AP1S2: variants seen among roughly 807,000 people sequenced by gnomAD.
The protein encoded by AP1S2 is adaptor related protein complex 1 subunit sigma 2, also known as AP-1 complex subunit sigma-2.
In AP1S2, 1 loss-of-function variant was observed where a neutral mutation model predicts 14.3. That is an observed-to-expected ratio of 0.07 (90% CI 0.02 to 0.33). The LOEUF (loss-of-function observed/expected upper bound fraction) is 0.33, where lower values mean the gene tolerates loss of function less well. Among genes scored for constraint, AP1S2 ranks in the 10% least tolerant of loss-of-function variants. AP1S2 has a pLI of 0.99. For missense variants in AP1S2, 30 were observed against 117.7 expected, an observed-to-expected ratio of 0.25 and a Z score of 3.45; for synonymous variants, 30 against 40.5, an observed-to-expected ratio of 0.74 and a Z score of 0.99.
chrX:15,827,063 A>C lies in AP1S2; in HGVS notation c.*262T>G. On this transcript the variant is annotated 3_prime_UTR_variant, in exon 6 of 6. Coordinates refer to ENST00000672987, the MANE Select transcript of AP1S2 (RefSeq NM_001272071.2). ...TTCATATGTGCACATAATCAGATTA[A>C]GAGAAACTGACCTTTAAACTTTAAA... The C allele has an allele frequency of 2.7e-6, 1 of 375,427 alleles. No homozygotes were observed. The highest frequency in any genetic ancestry group is 4.0e-5 in the South Asian group (1 of 24,772). The allele number at this position is 375,427 out of a possible 1,213,427, so 30.9% of individuals were successfully genotyped here.
Position 15,830,451 on chromosome X carries a change from A to G in AP1S2, c.427-2251T>C, listed in dbSNP as rs191930800. The G allele has an allele frequency of 5.2e-5, 39 of 749,767 alleles. No homozygotes were observed. In the East Asian group the frequency reaches 5.5e-3, roughly 105 times the overall value. 61.8% of individuals were successfully genotyped at this position (749,767 alleles called of 1,213,427 possible). A position where few individuals can be genotyped will look rare whatever the true frequency, so the allele number is the denominator to read the frequency against. On this transcript the variant is annotated intron_variant, in intron 4 of 5. Transcript: ENST00000672987. ...CTAATACTAAGTTTGGTCAAAACAC[A>G]TTTTCATAGATCTTCTTTCAGTGAT...
At chrX:15,847,527 CTTA>C (rs368312523) in intron 2 of AP1S2, among the ~76,000 whole-genome samples, 63 of 111,864 alleles carry the variant, frequency 5.6e-4, no homozygotes, top group African/African-American at 1.8e-3. Flanking sequence ...CTACTGCAGT[CTTA>C]TTGAGAGGAG....
intron 1 of AP1S2, chrX:15,852,827 C>A: frequency 1.2e-5 from 9 of 739,728 alleles, no homozygotes; most frequent in Non-Finnish European, 1.4e-5. Flanking sequence ...ATCACTCTTT[C>A]AATTTAAGAA....
At chrX:15,853,005 CT>C in intron 1 of AP1S2, 1 of 216,915 alleles carries the variant, frequency 4.6e-6, no homozygotes, top group South Asian at 2.1e-4. Context: ...TAGCTTATGT[CT>C]TGGAATGTTC....
chrX:15,827,439 C>A, intron 5 of AP1S2, 67 bp from the exon 6 acceptor site: 1 of 930,058 alleles, frequency 1.1e-6, no homozygotes, highest in East Asian at 3.1e-5. Flanking sequence ...GAAACATTGA[C>A]ATGGAAGAAC....
chrX:15,833,660 T>G (rs1933502551), intron 4 of AP1S2: 1 of 231,685 alleles, frequency 4.3e-6, no homozygotes, highest in Non-Finnish European at 6.3e-6. Flanking sequence ...ACTTAACATT[T>G]AAGGTAATTT....
intron 4 of AP1S2, among the ~76,000 whole-genome samples, chrX:15,838,043 A>G (rs961031250): frequency 8.0e-5 from 9 of 111,889 alleles, no homozygotes; most frequent in African/African-American, 2.9e-4. Flanking sequence ...GCAGTCTATA[A>G]ATGTAAATGG....
At chrX:15,831,029 GA>G (rs1933421118) in intron 4 of AP1S2, 1 of 679,150 alleles carries the variant, frequency 1.5e-6, no homozygotes, top group Non-Finnish European at 1.8e-6. Flanking sequence ...TGATACATTA[GA>G]ACACATTAGC....
Position 15,854,681 on chromosome X carries a change from G to T in AP1S2, c.-1+7C>A. 1.4e-6 allele frequency: 1 copy of T among 734,585 alleles called. No homozygotes were observed. Among genetic ancestry groups the T allele is most frequent in the Non-Finnish European group, 1.6e-6 (1 of 616,394 alleles). 60.5% of individuals were successfully genotyped at this position (734,585 alleles called of 1,213,427 possible). On this transcript the variant is annotated splice_region_variant and intron_variant, in intron 1 of 5. Transcript: ENST00000672987. ...CCCGGCGCCCCCTTTCGCCCCCAGG[G>T]ACTTACGGCGGCCGCGGGCCGCGGG...
intron 4 of AP1S2, chrX:15,840,550 T>C (rs1237249257): frequency 2.0e-6 from 2 of 979,724 alleles, no homozygotes; most frequent in African/African-American, 4.0e-5. Context: ...CTCTTTATCA[T>C]AAGATATCCT....
At chrX:15,832,914 C>T in intron 4 of AP1S2, 1 of 1,055,543 alleles carries the variant, frequency 9.5e-7, no homozygotes, top group Non-Finnish European at 1.2e-6. Context: ...ATATATCCTA[C>T]TACATTTTGA....
At chrX:15,828,350 G>T in intron 4 of AP1S2, 150 bp from the exon 5 acceptor site, 1 of 372,255 alleles carries the variant, frequency 2.7e-6, no homozygotes, top group South Asian at 9.9e-5. Context: ...GGAAAACATG[G>T]ATAATAGTAC....
intron 4 of AP1S2, chrX:15,830,025 ATGGAAAAGAAAAAGTC>A (rs1445506240): frequency 1.5e-6 from 1 of 674,606 alleles, no homozygotes; most frequent in Non-Finnish European, 1.8e-6. Flanking sequence ...TTTATGAGGG[ATGGAAAAGAAAAAGTC>A]ATTCACATGA....
At chrX:15,844,484 C>T (rs2147317176) in intron 4 of AP1S2, among the ~76,000 whole-genome samples, 1 of 112,818 alleles carries the variant, frequency 8.9e-6, no homozygotes, top group South Asian at 3.6e-4. Flanking sequence ...CAAACACACA[C>T]TTAACAACTA....
Position 15,850,027 on chromosome X carries a change from C to T in AP1S2, c.179+2319G>A, listed in dbSNP as rs191845880. Among the ~76,000 whole-genome samples the T allele has an allele frequency of 5.3e-5, 6 of 112,181 alleles. No homozygotes were observed. In the East Asian group the frequency reaches 1.7e-3, roughly 31 times the overall value. On this transcript the variant is annotated intron_variant, in intron 2 of 5. Coordinates refer to ENST00000672987, the MANE Select transcript of AP1S2 (RefSeq NM_001272071.2). Reference sequence around the variant, plus strand: ...TATGAAATGCTCACTGTAAAATCTACCAGATTCCTTCCTCACTTTCATTGA... The same window carrying T: ...TATGAAATGCTCACTGTAAAATCTATCAGATTCCTTCCTCACTTTCATTGA...
chrX:15,835,412 C>G (rs1933601450), intron 4 of AP1S2, among the ~76,000 whole-genome samples: 1 of 111,515 alleles, frequency 9.0e-6, no homozygotes, highest in South Asian at 3.7e-4. Context: ...AACTCTGGAA[C>G]CCTCTTCCTT....
At chrX:15,834,477 TATAA>T (rs1380955493) in intron 4 of AP1S2, among the ~76,000 whole-genome samples, 2,452 of 32,189 alleles carry the variant, frequency 0.076, 65 homozygotes, top group African/African-American at 0.12. Flanking sequence ...TATATATATA[TATAA>T]TTTTTTTTTT....
intron 1 of AP1S2, chrX:15,852,903 C>T (rs1238018464): frequency 2.7e-6 from 2 of 743,966 alleles, no homozygotes; most frequent in South Asian, 1.4e-4. Context: ...TGGTAGACAT[C>T]ATCTGGTTTG....
chrX:15,852,680 T>A (rs1934214317), intron 1 of AP1S2, among the ~76,000 whole-genome samples, 156 bp from the exon 2 acceptor site: 1 of 112,331 alleles, frequency 8.9e-6, no homozygotes, highest in Non-Finnish European at 1.9e-5. Context: ...TAGCAAGAAA[T>A]TCTTTTGGAC....
Sources: gnomAD v4.1 joint callset for allele counts (sites outside exome capture counted in the v4.1 genomes callset) on GRCh38, gnomAD v4.1.1 for gene constraint, MANE v1.5 for transcripts, NCBI Gene and HGNC (gene_info 2026-07-23, HGNC 2026-07-21) for gene names.